The following NCK2 variants were observed in gnomAD, a reference collection of about 807,000 sequenced individuals.
The protein encoded by NCK2 is cytoplasmic protein NCK2.
A neutral mutation model predicts 33.9 loss-of-function variants in NCK2; 16 were observed. That is an observed-to-expected ratio of 0.47 (90% CI 0.32 to 0.72). The LOEUF (loss-of-function observed/expected upper bound fraction) is 0.72. Among genes scored for constraint, NCK2 ranks in the 30% least tolerant of loss-of-function variants. The probability of loss-of-function intolerance (pLI) is 0.03; values close to 1 mark genes in which losing one functional copy is unlikely to be tolerated. For missense variants in NCK2, 418 were observed against 537.3 expected (o/e 0.78, Z 2.19); for synonymous variants, 273 against 239.9 (o/e 1.14, Z -1.27).
Position 105,881,897 on chromosome 2 carries a change from G to T in NCK2, c.796G>T (p.Ala266Ser). 6.4e-7 allele frequency: 1 copy of T among 1,569,422 alleles called. No individual in the cohort carries two copies. Among genetic ancestry groups the T allele is most frequent in the Non-Finnish European group, 8.6e-7 (1 of 1,157,920 alleles). ...CGGGCCTGCCCTGCACCCTGCGCACGCCCCACAGATAAGCTACACCGGGCC... is the reference window on the plus strand; with the variant it reads ...CGGGCCTGCCCTGCACCCTGCGCACTCCCCACAGATAAGCTACACCGGGCC... ...SDGPALHPAH[A>S]PQISYTGPSS... The change falls in exon 4 of 5, where the codon GCC becomes TCC. Residue 266 changes from alanine (A) to serine (S), a missense_variant. Transcript: ENST00000233154.
At chr2:105,770,357 G>T (rs1289551142) in intron 1 of NCK2, among the ~76,000 whole-genome samples, 1 of 152,198 alleles carries the variant, frequency 6.6e-6, no homozygotes, top group Admixed American at 6.5e-5. Context: ...CTAATGCTGA[G>T]ATCTTTTTAA....
chr2:105,753,048 G>A (rs1318051102), intron 1 of NCK2, among the ~76,000 whole-genome samples: 1 of 152,216 alleles, frequency 6.6e-6, no homozygotes, highest in African/African-American at 2.4e-5. Context: ...AGGCTGCCAT[G>A]TCTTAGGTTC....
intron 1 of NCK2, among the ~76,000 whole-genome samples, chr2:105,807,397 C>T (rs548149014): frequency 6.6e-6 from 1 of 152,312 alleles, no homozygotes; most frequent in African/African-American, 2.4e-5. Context: ...TTATATATGA[C>T]AATACAAGTT....
At chr2:105,880,029 G>A (rs1422926924) in intron 3 of NCK2, among the ~76,000 whole-genome samples, 1 of 152,140 alleles carries the variant, frequency 6.6e-6, no homozygotes, top group African/African-American at 2.4e-5. Flanking sequence ...CCCAGCTCTG[G>A]GGCTGACATG....
intron 1 of NCK2, among the ~76,000 whole-genome samples, chr2:105,810,940 C>T (rs903975884): frequency 6.6e-6 from 1 of 152,038 alleles, no homozygotes; most frequent in East Asian, 1.9e-4. Flanking sequence ...CTTTGGGAGG[C>T]CCAGGTGGGC....
chr2:105,882,101 G>GC, intron 4 of NCK2, 52 bp downstream of exon 4: 2 of 1,459,744 alleles, frequency 1.4e-6, no homozygotes, highest in East Asian at 4.9e-5. Context: ...TGCGCCTTGC[G>GC]CGGTGGGTCT....
intron 1 of NCK2, among the ~76,000 whole-genome samples, chr2:105,752,575 A>G (rs574580471): frequency 2.0e-5 from 3 of 152,314 alleles, no homozygotes; most frequent in South Asian, 2.1e-4. Flanking sequence ...GATGGGGTAC[A>G]GGTGTTATTT....
intron 1 of NCK2, among the ~76,000 whole-genome samples, chr2:105,791,122 C>T (rs1182254979): frequency 1.3e-5 from 2 of 152,142 alleles, no homozygotes; most frequent in Non-Finnish European, 2.9e-5. Flanking sequence ...GAAGCCCCTG[C>T]GGCCCTGGGC....
intron 2 of NCK2, among the ~76,000 whole-genome samples, chr2:105,822,672 A>T (rs6737260): frequency 0.3 from 46,238 of 151,842 alleles, 9,128 homozygotes; most frequent in African/African-American, 0.53. Flanking sequence ...AAACAAAAAC[A>T]AAAAAGCCAA....
intron 3 of NCK2, among the ~76,000 whole-genome samples, chr2:105,862,670 A>T (rs1299749720): frequency 6.6e-6 from 1 of 152,244 alleles, no homozygotes; most frequent in Non-Finnish European, 1.5e-5. Context: ...GGTGATAGTC[A>T]TGTATTGATA....
chr2:105,856,146 C>T (rs1373114737), intron 3 of NCK2, among the ~76,000 whole-genome samples: 1 of 152,166 alleles, frequency 6.6e-6, no homozygotes, highest in Admixed American at 6.5e-5. Context: ...CCATGTGCCT[C>T]TTGTTTTCCC....
chr2:105,842,055 G>A (rs570163395), intron 2 of NCK2, among the ~76,000 whole-genome samples: 2 of 152,176 alleles, frequency 1.3e-5, no homozygotes, highest in South Asian at 4.1e-4. Context: ...GAGATGTGGT[G>A]AAGGGAAAGT....
At chr2:105,765,470 G>A (rs1295186805) in intron 1 of NCK2, among the ~76,000 whole-genome samples, 1 of 152,156 alleles carries the variant, frequency 6.6e-6, no homozygotes, top group Non-Finnish European at 1.5e-5. Context: ...CGAGCTGGTG[G>A]TCCCTTCTTT....
chr2:105,827,302 A>G (rs552771419), intron 2 of NCK2, among the ~76,000 whole-genome samples: 4 of 152,320 alleles, frequency 2.6e-5, no homozygotes, highest in South Asian at 2.1e-4. Context: ...CCTGGCTGAC[A>G]TAGCATTCTT....
intron 1 of NCK2, among the ~76,000 whole-genome samples, chr2:105,770,388 C>T (rs1408762967): frequency 6.6e-6 from 1 of 152,086 alleles, no homozygotes; most frequent in African/African-American, 2.4e-5. Context: ...TTGCATCTGG[C>T]TTTGATCTTT....
chr2:105,751,951 A>G (rs1023671841), intron 1 of NCK2, among the ~76,000 whole-genome samples: 1 of 152,258 alleles, frequency 6.6e-6, no homozygotes, highest in Non-Finnish European at 1.5e-5. Flanking sequence ...AACAAGTATT[A>G]TTAATTTTCA....
chr2:105,849,897 A>G (rs939694499), intron 2 of NCK2, among the ~76,000 whole-genome samples: 13 of 152,182 alleles, frequency 8.5e-5, no homozygotes, highest in Middle Eastern at 3.2e-3. Context: ...GTCTCTCTTA[A>G]TGCTGGCACA....
rs937690033 is a variant in NCK2, at chr2:105,893,513, C to A, written c.*337C>A. ...GGGCACCTGTGAGCGCAGGAGCGAGCCTAAGGCCACCCAGCGGCAGCGCCC... is the reference window on the plus strand; with the variant it reads ...GGGCACCTGTGAGCGCAGGAGCGAGACTAAGGCCACCCAGCGGCAGCGCCC... On this transcript the variant is annotated 3_prime_UTR_variant, in exon 5 of 5. Coordinates refer to ENST00000233154, the MANE Select transcript of NCK2 (RefSeq NM_003581.5). The A allele has an allele frequency of 7.4e-6, 2 of 271,184 alleles. No homozygotes were observed. Among genetic ancestry groups the A allele is most frequent in the Admixed American group, 4.4e-5 (1 of 22,918 alleles). The allele number at this position is 271,184 out of a possible 1,614,324, so 16.8% of individuals were successfully genotyped here.
intron 3 of NCK2, among the ~76,000 whole-genome samples, chr2:105,875,001 T>C (rs937205446): frequency 3.9e-5 from 6 of 152,248 alleles, no homozygotes; most frequent in Non-Finnish European, 7.3e-5. Context: ...TTCTGTCTGC[T>C]CACTGAGTGA....
Sources: gnomAD v4.1 joint callset for allele counts (sites outside exome capture counted in the v4.1 genomes callset) on GRCh38, gnomAD v4.1.1 for gene constraint, MANE v1.5 for transcripts, NCBI Gene and HGNC (gene_info 2026-07-23, HGNC 2026-07-21) for gene names.